PHIP: variants seen among roughly 807,000 people sequenced by gnomAD.
PHIP encodes the protein PH-interacting protein.
A neutral mutation model predicts 236.8 loss-of-function variants in PHIP; 54 were observed. The ratio of observed to expected loss-of-function variants is 0.23; its 90% CI spans 0.18 to 0.29. PHIP has a LOEUF of 0.29. Among genes scored for constraint, PHIP ranks in the 10% least tolerant of loss-of-function variants. PHIP has a pLI of 1.00. For missense variants in PHIP, 1,370 were observed against 2,190.8 expected, an observed-to-expected ratio of 0.63 and a Z score of 7.48; for synonymous variants, 756 against 718.9, an observed-to-expected ratio of 1.05 and a Z score of -0.83.
At chr6:79,059,447 A>T (rs1477557961) in intron 6 of PHIP, among the ~76,000 whole-genome samples, 4 of 151,716 alleles carry the variant, frequency 2.6e-5, no homozygotes, top group Admixed American at 6.6e-5. Flanking sequence ...TAGATAGTAG[A>T]TTTAAACCCA....
intron 7 of PHIP, among the ~76,000 whole-genome samples, chr6:79,038,717 A>G (rs1302031925): frequency 6.6e-6 from 1 of 152,024 alleles, no homozygotes; most frequent in Admixed American, 6.6e-5. Flanking sequence ...CATACAAGAT[A>G]ATGTATTCCA....
intron 24 of PHIP, among the ~76,000 whole-genome samples, chr6:78,976,736 A>C (rs1266095092): frequency 9.5e-5 from 14 of 146,970 alleles, no homozygotes; most frequent in Non-Finnish European, 1.2e-4. Context: ...GACACTTCTC[A>C]AAAGAAGACA....
intron 37 of PHIP, 44 bp downstream of exon 37, chr6:78,946,666 TG>T: frequency 6.7e-7 from 1 of 1,490,972 alleles, no homozygotes. Flanking sequence ...ATCATTTAGA[TG>T]AAAGTTATAG....
At chr6:78,977,747 C>G (rs796423232) in intron 24 of PHIP, among the ~76,000 whole-genome samples, 10 of 152,258 alleles carry the variant, frequency 6.6e-5, no homozygotes, top group African/African-American at 2.4e-4. Context: ...TGTACTATAT[C>G]ACAACAATGT....
chr6:78,976,218 C>T (rs1323121402), intron 24 of PHIP, among the ~76,000 whole-genome samples: 1 of 148,580 alleles, frequency 6.7e-6, no homozygotes, highest in African/African-American at 2.5e-5. Flanking sequence ...AGAAATAACG[C>T]CGCATATCTA....
intron 7 of PHIP, among the ~76,000 whole-genome samples, chr6:79,031,952 C>G (rs145947073): frequency 6.6e-6 from 1 of 152,294 alleles, no homozygotes; most frequent in Non-Finnish European, 1.5e-5. Flanking sequence ...AGTCATACTT[C>G]CTAGATACCG....
intron 6 of PHIP, among the ~76,000 whole-genome samples, chr6:79,057,689 C>G (rs973009536): frequency 6.6e-6 from 1 of 152,032 alleles, no homozygotes; most frequent in African/African-American, 2.4e-5. Context: ...GCAAAGAAAA[C>G]TTTTAAAGGT....
chr6:79,016,735 T>C (rs1248235950), intron 12 of PHIP, 93 bp from the exon 13 acceptor site: 3 of 733,294 alleles, frequency 4.1e-6, no homozygotes, highest in East Asian at 5.2e-5. Flanking sequence ...AAAGACAGCA[T>C]TCATCTTTAT....
chr6:78,938,775 G>A lies in PHIP; in HGVS notation c.*1918C>T, dbSNP rs2127675531. Reference sequence around the variant, plus strand: ...AATCTCAGCAATGCAGTCAAGATCTGGAAAATGGTTTACTTAATTTCACAG... The same window carrying A: ...AATCTCAGCAATGCAGTCAAGATCTAGAAAATGGTTTACTTAATTTCACAG... On this transcript the variant is annotated 3_prime_UTR_variant, in exon 40 of 40. Coordinates refer to ENST00000275034, the MANE Select transcript of PHIP (RefSeq NM_017934.7). 6.6e-6 allele frequency: 1 copy of A among 151,654 alleles called. No individual in the cohort carries two copies. Among genetic ancestry groups the A allele is most frequent in the South Asian group, 2.1e-4 (1 of 4,824 alleles). The allele number at this position is 151,654 out of a possible 1,614,324, so 9.4% of individuals were successfully genotyped here.
intron 10 of PHIP, 90 bp from the exon 11 acceptor site, chr6:79,017,673 A>C (rs1180677866): frequency 2.5e-6 from 2 of 809,526 alleles, no homozygotes; most frequent in Non-Finnish European, 4.1e-6. Context: ...AAATTACAGT[A>C]TATACTGAAT....
At chr6:78,955,203 T>G (rs780720730) in intron 34 of PHIP, 29 bp downstream of exon 34, 1 of 1,491,890 alleles carries the variant, frequency 6.7e-7, no homozygotes, top group Non-Finnish European at 9.3e-7. Context: ...TCATATAAAG[T>G]ACTTCTGCTA....
chr6:79,074,867 T>C (rs542458225), intron 4 of PHIP, among the ~76,000 whole-genome samples: 233 of 152,242 alleles, frequency 1.5e-3, no homozygotes, highest in African/African-American at 5.1e-3. Flanking sequence ...TAAATTCACA[T>C]CTACAAATAT....
At chr6:79,013,320 T>C (rs185069195) in intron 15 of PHIP, among the ~76,000 whole-genome samples, 5 of 151,848 alleles carry the variant, frequency 3.3e-5, no homozygotes, top group African/African-American at 1.2e-4. Flanking sequence ...TTCTGTTTTT[T>C]AGCTTTTTTG....
chr6:78,965,613 C>A, intron 29 of PHIP, 90 bp downstream of exon 29: 1 of 741,268 alleles, frequency 1.3e-6, no homozygotes, highest in Middle Eastern at 2.6e-4. Context: ...ATACTCACAA[C>A]TGTAAGTGGT....
intron 4 of PHIP, among the ~76,000 whole-genome samples, chr6:79,065,007 C>A (rs1405111408): frequency 6.6e-6 from 1 of 152,134 alleles, no homozygotes; most frequent in Non-Finnish European, 1.5e-5. Flanking sequence ...ACCTTGGAAG[C>A]CAGAAACCAA....
chr6:79,041,033 A>T (rs1325403755), intron 7 of PHIP, among the ~76,000 whole-genome samples: 1 of 152,160 alleles, frequency 6.6e-6, no homozygotes, highest in African/African-American at 2.4e-5. Flanking sequence ...CCCTTAAAAG[A>T]AAGAATCAAA....
rs1162208870 is a variant in PHIP at position 78,939,892 on chromosome 6, A to AATT, written c.*800_*801insAAT. ...TAATAACTTGCTCTTTAGAATATAT[A>AATT]GCCTTTCCAATATTGAAAAGTGTAT... On this transcript the variant is annotated 3_prime_UTR_variant, in exon 40 of 40. Coordinates refer to ENST00000275034, the MANE Select transcript of PHIP (RefSeq NM_017934.7). The AATT allele has an allele frequency of 3.9e-5, 6 of 152,514 alleles. No homozygotes were observed. The highest frequency in any genetic ancestry group is 7.2e-5 in the African/African-American group (3 of 41,440). The allele number at this position is 152,514 out of a possible 1,614,324, so 9.4% of individuals were successfully genotyped here.
At chr6:79,030,931 G>GTT (rs565573763) in intron 7 of PHIP, among the ~76,000 whole-genome samples, 1 of 150,602 alleles carries the variant, frequency 6.6e-6, no homozygotes, top group African/African-American at 2.4e-5. Context: ...TTTCTTTCTT[G>GTT]TTTTTTTTTG....
At chr6:78,988,405 GTT>G in intron 20 of PHIP, 56 bp from the exon 21 acceptor site, 1 of 1,319,494 alleles carries the variant, frequency 7.6e-7, no homozygotes, top group Non-Finnish European at 1.0e-6. Context: ...AGGATTTTTA[GTT>G]TAAAAGTTAA....
Sources: allele counts gnomAD v4.1 joint callset (sites outside exome capture counted in the v4.1 genomes callset), GRCh38; gene constraint gnomAD v4.1.1; transcripts MANE v1.5; gene names NCBI Gene and HGNC (gene_info 2026-07-23, HGNC 2026-07-21).